Variants in IL20RB observed in about 807,000 individuals in gnomAD.
IL20RB encodes interleukin-20 receptor subunit beta.
Under a neutral mutation model 33.3 loss-of-function variants are expected in IL20RB, and 21 were observed. The ratio of observed to expected loss-of-function variants is 0.63; its 90% confidence interval spans 0.45 to 0.91. IL20RB has a LOEUF of 0.91. Among genes scored for constraint, IL20RB ranks in the 40% least tolerant of loss-of-function variants. IL20RB has a pLI of 0.00. For synonymous variants in IL20RB, 147 were observed against 146.8 expected, an observed-to-expected ratio of 1.00 and a Z score of -0.01; for missense variants, 345 against 384.8, an observed-to-expected ratio of 0.90 and a Z score of 0.86.
intron 6 of IL20RB, among the ~76,000 whole-genome samples, chr3:137,009,339 C>G (rs1042610651): frequency 2.0e-5 from 3 of 152,114 alleles, no homozygotes; most frequent in Admixed American, 6.5e-5. Context: ...AAGTTGATGT[C>G]TGCATGTTTA....
At chr3:136,969,535 A>G (rs984604588) in intron 1 of IL20RB, among the ~76,000 whole-genome samples, 3 of 144,384 alleles carry the variant, frequency 2.1e-5, no homozygotes, top group East Asian at 4.3e-4. Context: ...AGGTGAGGCA[A>G]TGCCTCGCCC....
intron 1 of IL20RB, among the ~76,000 whole-genome samples, chr3:136,962,134 A>G (rs1941237466): frequency 6.6e-6 from 1 of 152,242 alleles, no homozygotes; most frequent in South Asian, 2.1e-4. Flanking sequence ...CATCACAGCA[A>G]TAATTATTAC....
At chr3:136,982,381 C>T (rs1293795929) in intron 3 of IL20RB, 31 bp downstream of exon 3, 2 of 1,455,304 alleles carry the variant, frequency 1.4e-6, no homozygotes, top group South Asian at 2.6e-5. Context: ...CACTCCCACC[C>T]CAACCAGCCC....
At chr3:137,004,361 G>T (rs1278848416) in intron 6 of IL20RB, among the ~76,000 whole-genome samples, 2 of 152,194 alleles carry the variant, frequency 1.3e-5, no homozygotes, top group East Asian at 1.9e-4. Context: ...TCTTTGTACC[G>T]CTGGTAGAAT....
chr3:136,959,826 A>G (rs1002532966), intron 1 of IL20RB, among the ~76,000 whole-genome samples: 1 of 152,204 alleles, frequency 6.6e-6, no homozygotes, highest in Non-Finnish European at 1.5e-5. Flanking sequence ...TCAGGACTCA[A>G]TCATGTAACG....
chr3:136,959,523 A>G (rs1384254724), intron 1 of IL20RB: 1 of 152,250 alleles, frequency 6.6e-6, no homozygotes, highest in African/African-American at 2.4e-5. Flanking sequence ...TGGAACAGAA[A>G]TGTTGCCAAG....
intron 2 of IL20RB, among the ~76,000 whole-genome samples, chr3:136,981,399 A>G (rs1941771849): frequency 6.6e-6 from 1 of 152,180 alleles, no homozygotes; most frequent in Non-Finnish European, 1.5e-5. Flanking sequence ...GAATATTTGC[A>G]TCATCACAGA....
At chr3:136,960,609 T>C (rs1021336627) in intron 1 of IL20RB, among the ~76,000 whole-genome samples, 7 of 152,236 alleles carry the variant, frequency 4.6e-5, no homozygotes, top group African/African-American at 1.7e-4. Flanking sequence ...AATGTTATCT[T>C]GACTTCTCAC....
rs1942041468 is a variant in IL20RB, at chr3:136,991,972, C to T, written c.566C>T (p.Pro189Leu). ...AAAATGGTGAGGAGTGGGGGTATTC[C>T]AGTGCACCTAGAAACCATGGAGCCA... ...HVKMVRSGGI[P>L]VHLETMEPGA... The change falls in exon 5 of 7, where the codon CCA becomes CTA. Residue 189 changes from proline to leucine, a missense_variant. By Grantham distance (98) the Pro-to-Leu change is moderately conservative. Coordinates refer to ENST00000329582, the MANE Select transcript of IL20RB (RefSeq NM_144717.4). 1 of 1,614,010 alleles carries T rather than the reference C, an allele frequency of 6.2e-7. No individual in the cohort carries two copies. The highest frequency in any genetic ancestry group is 1.3e-5 in the African/African-American group (1 of 74,908).
chr3:136,971,191 C>T lies in IL20RB; in HGVS notation c.89-9275C>T, dbSNP rs532458751. On this transcript the variant is annotated intron_variant, in intron 1 of 6. Transcript: ENST00000329582. ...TGTTGCCCAGGCTGGAGTGCAATGG[C>T]GCCATCTGGGCTCACTGCAACCTCT... 1.1e-3 allele frequency among the ~76,000 whole-genome samples: 170 copies of T among 151,730 alleles called. 5 individuals carry two copies. In the South Asian group the frequency reaches 0.03, roughly 27 times the overall value.
intron 2 of IL20RB, 43 bp from the exon 3 acceptor site, chr3:136,982,117 T>G: frequency 7.1e-7 from 1 of 1,416,894 alleles, no homozygotes; most frequent in Non-Finnish European, 9.5e-7. Context: ...TGAGCCTGTG[T>G]CAGAGGGGCT....
chr3:136,999,560 T>TA (rs975737305), intron 6 of IL20RB, among the ~76,000 whole-genome samples: 3 of 150,976 alleles, frequency 2.0e-5, no homozygotes, highest in African/African-American at 4.9e-5. Context: ...TTCAGGTATT[T>TA]TTTTTTTTTT....
intron 6 of IL20RB, among the ~76,000 whole-genome samples, chr3:136,997,846 T>C (rs1942161369): frequency 6.6e-6 from 1 of 152,060 alleles, no homozygotes; most frequent in Admixed American, 6.5e-5. Flanking sequence ...TGATCTCGGC[T>C]CACTGCAACC....
At position 136,992,067 on chromosome 3, in the gene IL20RB, A is replaced by C; in HGVS notation, c.661A>C (p.Thr221Pro). ...TGGGAGGTACAGCGCCTTCAGCCAG[A>C]CAGAATGTGTGGAGGTGCAAGGTAA... Reference protein sequence around the residue: ...AIGRYSAFSQTECVEVQGEAI... With the variant: ...AIGRYSAFSQPECVEVQGEAI... The change falls in exon 5 of 7, where the codon ACA becomes CCA. Residue 221 changes from threonine (T) to proline (P), a missense_variant. Transcript: ENST00000329582. 1 of 1,614,122 alleles carries C rather than the reference A, an allele frequency of 6.2e-7. No individual in the cohort carries two copies. The highest frequency in any genetic ancestry group is 8.5e-7 in the Non-Finnish European group (1 of 1,179,994).
chr3:136,972,531 T>G (rs1941512770), intron 1 of IL20RB, among the ~76,000 whole-genome samples: 1 of 152,156 alleles, frequency 6.6e-6, no homozygotes, highest in South Asian at 2.1e-4. Context: ...TCAATCTTGG[T>G]AGGTTGTTTG....
intron 1 of IL20RB, among the ~76,000 whole-genome samples, chr3:136,977,435 G>GTT (rs1259387114): frequency 3.3e-5 from 5 of 152,068 alleles, no homozygotes; most frequent in African/African-American, 1.2e-4. Context: ...GCATTGTGGA[G>GTT]TTTTCCCTGA....
chr3:136,993,156 A>G (rs1201448459), intron 5 of IL20RB, among the ~76,000 whole-genome samples: 1 of 152,170 alleles, frequency 6.6e-6, no homozygotes, highest in Non-Finnish European at 1.5e-5. Context: ...TGAGCCCAGG[A>G]GTTCAACACC....
chr3:136,959,114 T>C (rs1295966153), intron 1 of IL20RB: 2 of 152,256 alleles, frequency 1.3e-5, no homozygotes, highest in African/African-American at 2.4e-5. Flanking sequence ...AGCTCCCAGT[T>C]GTTCAGCACA....
chr3:136,988,505 C>T (rs1941962745), intron 3 of IL20RB, among the ~76,000 whole-genome samples: 1 of 152,064 alleles, frequency 6.6e-6, no homozygotes. Context: ...TTTGGGAGCT[C>T]GAGGTGGGCG....
Sources: gnomAD v4.1 joint callset for allele counts (sites outside exome capture counted in the v4.1 genomes callset) on GRCh38, gnomAD v4.1.1 for gene constraint, MANE v1.5 for transcripts, NCBI Gene and HGNC (gene_info 2026-07-23, HGNC 2026-07-21) for gene names.